RBFOX1: variants seen among roughly 807,000 people sequenced by gnomAD.
RBFOX1 encodes the protein RNA binding protein fox-1 homolog 1.
Under a neutral mutation model 57.7 loss-of-function variants are expected in RBFOX1, and 8 were observed. The observed-to-expected ratio is 0.14, with a 90% CI of 0.08 to 0.25. The LOEUF is 0.25. Ranked by LOEUF, RBFOX1 falls within the 10% of genes least tolerant of loss-of-function variation. The pLI, the probability that RBFOX1 is intolerant of heterozygous loss-of-function variation, is 1.00. For synonymous variants in RBFOX1, 326 were observed against 222.4 expected, an observed-to-expected ratio of 1.47 and a Z score of -4.15; for missense variants, 611 against 548.5, an observed-to-expected ratio of 1.11 and a Z score of -1.14.
At chr16:6,170,265 C>CTTGTTTGTTTTCT (rs963725584) in intron 1 of RBFOX1, among the ~76,000 whole-genome samples, 10 of 152,144 alleles carry the variant, frequency 6.6e-5, no homozygotes, top group Non-Finnish European at 2.9e-5. Flanking sequence ...TTGCCATTTG[C>CTTGTTTGTTTTCT]TTGTTTGTTT....
chr16:6,773,017 T>TGTGTGA (rs1164831578), intron 3 of RBFOX1, among the ~76,000 whole-genome samples: 63 of 131,272 alleles, frequency 4.8e-4, no homozygotes, highest in African/African-American at 1.9e-3. Flanking sequence ...TGTGTGTGTG[T>TGTGTGA]GATTGTATTT....
intron 3 of RBFOX1, among the ~76,000 whole-genome samples, chr16:5,606,728 G>T (rs957075515): frequency 2.6e-5 from 4 of 152,172 alleles, no homozygotes; most frequent in African/African-American, 9.7e-5. Flanking sequence ...GTGCAAACAG[G>T]TAGGGAAGGC....
intron 2 of RBFOX1, among the ~76,000 whole-genome samples, chr16:6,385,653 T>A (rs1265821900): frequency 6.6e-6 from 1 of 152,226 alleles, no homozygotes; most frequent in Non-Finnish European, 1.5e-5. Flanking sequence ...TTTTCCCATC[T>A]TTAAAATGGA....
intron 2 of RBFOX1, among the ~76,000 whole-genome samples, chr16:5,572,119 A>G (rs942001029): frequency 2.0e-5 from 3 of 151,866 alleles, no homozygotes; most frequent in South Asian, 2.1e-4. Flanking sequence ...TAAATACATG[A>G]TTTGTTAGGA....
At chr16:5,610,828 A>G (rs2047755389) in intron 3 of RBFOX1, among the ~76,000 whole-genome samples, 1 of 152,204 alleles carries the variant, frequency 6.6e-6, no homozygotes, top group Non-Finnish European at 1.5e-5. Flanking sequence ...TGATTGCAGC[A>G]CTGCACTCCA....
At position 6,828,728 on chromosome 16, in the gene RBFOX1, C is replaced by T. The variant is rs561701170; in HGVS notation, c.-16+174078C>T. ...ACTTGGGATGTTAATGAGTGACTTACCATGTTAATGAGCATATCACGAGGT... is the reference window on the plus strand; with the variant it reads ...ACTTGGGATGTTAATGAGTGACTTATCATGTTAATGAGCATATCACGAGGT... On this transcript the variant is annotated intron_variant, in intron 3 of 15. Transcript: ENST00000550418. Among the ~76,000 whole-genome samples, 170 of 152,106 alleles carry T rather than the reference C, an allele frequency of 1.1e-3. 1 individual carries two copies. Among genetic ancestry groups the T allele is most frequent in the Non-Finnish European group, 2.0e-3 (136 of 67,992 alleles).
At chr16:5,398,209 G>C (rs2066616331) in intron 1 of RBFOX1, among the ~76,000 whole-genome samples, 1 of 152,158 alleles carries the variant, frequency 6.6e-6, no homozygotes, top group African/African-American at 2.4e-5. Context: ...GTGTGTACAT[G>C]TGTGGACATG....
chr16:7,494,081 T>C lies in RBFOX1; in HGVS notation c.28-24066T>C, dbSNP rs142707915. ...AGTGGTTATGGAGGCTTAAACAGTA[T>C]GTCATGAGTTAGCAATGTCTAGTGG... On this transcript the variant is annotated intron_variant, in intron 4 of 15. Coordinates refer to ENST00000550418, the MANE Select transcript of RBFOX1 (RefSeq NM_018723.4). Among the ~76,000 whole-genome samples the C allele has an allele frequency of 4.6e-3, 708 of 152,312 alleles. 4 individuals carry two copies. Among genetic ancestry groups the C allele is most frequent in the African/African-American group, 0.014 (591 of 41,560 alleles).
At chr16:6,730,652 A>G (rs2068333280) in intron 3 of RBFOX1, among the ~76,000 whole-genome samples, 3 of 152,216 alleles carry the variant, frequency 2.0e-5, no homozygotes. Flanking sequence ...TTTGTGGAAA[A>G]TCTTCAATCA....
chr16:5,915,558 G>T (rs572725934), intron 4 of RBFOX1, among the ~76,000 whole-genome samples: 54 of 152,106 alleles, frequency 3.6e-4, no homozygotes, highest in Admixed American at 1.7e-3. Context: ...CAGGCTGGGC[G>T]CCGTGGCTCA....
intron 1 of RBFOX1, among the ~76,000 whole-genome samples, chr16:5,454,845 CTTTCTTTCT>C (rs1230439360): frequency 1.3e-4 from 10 of 77,994 alleles, no homozygotes; most frequent in African/African-American, 4.0e-4. Context: ...TCTTTCCTTT[CTTTCTTTCT>C]TTTCTTTCTT....
chr16:7,080,504 C>T (rs985008618), intron 4 of RBFOX1, among the ~76,000 whole-genome samples: 3 of 152,116 alleles, frequency 2.0e-5, no homozygotes, highest in South Asian at 2.1e-4. Context: ...TTTTCCCCTT[C>T]ATGTTTGTTA....
At chr16:7,228,935 G>T (rs562200479) in intron 4 of RBFOX1, among the ~76,000 whole-genome samples, 1 of 152,124 alleles carries the variant, frequency 6.6e-6, no homozygotes, top group African/African-American at 2.4e-5. Context: ...GGGGTAGAGA[G>T]TATAATAATA....
intron 5 of RBFOX1, among the ~76,000 whole-genome samples, chr16:7,572,843 G>GAATAAATAAATAAATAAATA (rs57189251): frequency 0.24 from 35,018 of 146,018 alleles, 4,570 homozygotes; most frequent in South Asian, 0.35. Context: ...TCTCTCAAAT[G>GAATAAATAAATAAATAAATA]AATAAATAAA....
At chr16:5,478,641 C>A (rs2069415014) in intron 2 of RBFOX1, among the ~76,000 whole-genome samples, 1 of 152,178 alleles carries the variant, frequency 6.6e-6, no homozygotes, top group Non-Finnish European at 1.5e-5. Flanking sequence ...AAATGGGTAG[C>A]ATCTGCTTAT....
chr16:5,809,834 C>G (rs2055357288), intron 3 of RBFOX1, among the ~76,000 whole-genome samples: 1 of 152,044 alleles, frequency 6.6e-6, no homozygotes. Context: ...GGTATATACC[C>G]AAAGGACTAT....
At chr16:6,463,644 A>G (rs1238888384) in intron 2 of RBFOX1, among the ~76,000 whole-genome samples, 1 of 152,166 alleles carries the variant, frequency 6.6e-6, no homozygotes, top group Non-Finnish European at 1.5e-5. Context: ...CAGAAGCTCA[A>G]CCAATGTCGT....
intron 2 of RBFOX1, among the ~76,000 whole-genome samples, chr16:6,395,396 T>C (rs1248778573): frequency 1.3e-5 from 2 of 152,212 alleles, no homozygotes; most frequent in East Asian, 3.8e-4. Flanking sequence ...AATAATATAG[T>C]TATGGTCATG....
intron 3 of RBFOX1, among the ~76,000 whole-genome samples, chr16:6,847,125 T>C (rs867408839): frequency 6.6e-6 from 1 of 152,204 alleles, no homozygotes. Context: ...TGCTCAGAGA[T>C]GGTTCATCCA....
Sources: allele counts gnomAD v4.1 joint callset (sites outside exome capture counted in the v4.1 genomes callset), GRCh38; gene constraint gnomAD v4.1.1; transcripts MANE v1.5; gene names NCBI Gene and HGNC (gene_info 2026-07-23, HGNC 2026-07-21).